HDAC8: variants seen among roughly 807,000 people sequenced by gnomAD.
HDAC8 encodes histone deacetylase-like 1.
HDAC8 carries 1 observed loss-of-function variant against 32.2 expected under a neutral mutation model. The ratio of observed to expected loss-of-function variants is 0.03; its 90% CI spans 0.01 to 0.15. The LOEUF (loss-of-function observed/expected upper bound fraction) is 0.15, where lower values mean the gene tolerates loss of function less well. Among genes scored for constraint, HDAC8 ranks in the 10% least tolerant of loss-of-function variants. The pLI is 1.00. For missense variants in HDAC8, 117 were observed against 300.0 expected, an observed-to-expected ratio of 0.39 and a Z score of 4.51; for synonymous variants, 108 against 113.9, an observed-to-expected ratio of 0.95 and a Z score of 0.33.
chrX:72,335,736 A>C (rs979331758), intron 10 of HDAC8, among the ~76,000 whole-genome samples: 12 of 109,945 alleles, frequency 1.1e-4, no homozygotes, highest in Non-Finnish European at 2.1e-4. Flanking sequence ...AATAGTGAGA[A>C]ACTGTCTCTA....
chrX:72,396,135 A>G (rs1304806279), intron 9 of HDAC8, among the ~76,000 whole-genome samples: 7 of 112,174 alleles, frequency 6.2e-5, no homozygotes, highest in Non-Finnish European at 1.3e-4. Flanking sequence ...GTATCTTTCT[A>G]CTAGCCCAGT....
rs191811907 is a variant in HDAC8 at position 72,571,138 on chromosome X, A to G, written c.164+919T>C. Among the ~76,000 whole-genome samples the G allele has an allele frequency of 1.7e-3, 190 of 110,478 alleles. 1 individual carries two copies. The highest frequency in any genetic ancestry group is 0.014 in the Middle Eastern group (3 of 218). On this transcript the variant is annotated intron_variant, in intron 2 of 10. Coordinates refer to ENST00000373573, the MANE Select transcript of HDAC8 (RefSeq NM_018486.3). ...ACGGGGTTTCACCGTGTTAGCCAGG[A>G]TGGTCTTGATCTCCTGAGCTCATGA...
intron 9 of HDAC8, among the ~76,000 whole-genome samples, chrX:72,397,872 C>A (rs1365087671): frequency 8.9e-6 from 1 of 112,116 alleles, no homozygotes; most frequent in Non-Finnish European, 1.9e-5. Flanking sequence ...TACCATACCA[C>A]AAATATCTGT....
chrX:72,351,948 G>A (rs782034060), intron 9 of HDAC8, 110 bp from the exon 10 acceptor site: 4 of 514,902 alleles, frequency 7.8e-6, no homozygotes, highest in Non-Finnish European at 1.3e-5. Context: ...GGCAAGGGAG[G>A]CCTCCTTGGG....
intron 5 of HDAC8, 67 bp from the exon 6 acceptor site, chrX:72,491,073 ATC>A: frequency 1.3e-6 from 1 of 799,789 alleles, no homozygotes; most frequent in Non-Finnish European, 1.9e-6. Flanking sequence ...ACATCTGAAA[ATC>A]TAGAAAGCAG....
intron 10 of HDAC8, among the ~76,000 whole-genome samples, chrX:72,339,231 A>G (rs1410170167): frequency 2.7e-5 from 3 of 111,825 alleles, no homozygotes; most frequent in Non-Finnish European, 5.6e-5. Flanking sequence ...CCTCAGCCCA[A>G]TCTGGTCCAT....
At chrX:72,571,845 A>T (rs781929596) in intron 2 of HDAC8, 330 of 338,361 alleles carry the variant, frequency 9.8e-4, no homozygotes, top group Non-Finnish European at 1.5e-3. Flanking sequence ...CTGGGATTAC[A>T]GGCGTGAGCC....
intron 4 of HDAC8, among the ~76,000 whole-genome samples, chrX:72,559,885 C>G (rs1406076752): frequency 1.8e-5 from 2 of 110,334 alleles, no homozygotes; most frequent in African/African-American, 6.6e-5. Context: ...GCCACCCCGT[C>G]CGGGAGGGAG....
intron 9 of HDAC8, among the ~76,000 whole-genome samples, chrX:72,435,198 C>T (rs1343964148): frequency 9.0e-6 from 1 of 111,611 alleles, no homozygotes; most frequent in African/African-American, 3.3e-5. Context: ...GGAATTCAAT[C>T]CCTGAAAGAA....
intron 9 of HDAC8, among the ~76,000 whole-genome samples, chrX:72,380,905 C>G (rs1361620217): frequency 1.8e-5 from 2 of 112,039 alleles, no homozygotes; most frequent in East Asian, 5.5e-4. Context: ...TTTCTTCTTA[C>G]TAAGTCTTTA....
At chrX:72,353,875 A>G (rs1555949644) in intron 9 of HDAC8, among the ~76,000 whole-genome samples, 1 of 111,901 alleles carries the variant, frequency 8.9e-6, no homozygotes, top group Non-Finnish European at 1.9e-5. Flanking sequence ...AGGAGGAGGG[A>G]ATGTTCTGCC....
intron 9 of HDAC8, among the ~76,000 whole-genome samples, chrX:72,456,026 T>G (rs185017119): frequency 6.3e-5 from 7 of 111,785 alleles, no homozygotes; most frequent in African/African-American, 2.3e-4. Flanking sequence ...TAAAATACAT[T>G]TTCCCTTTTC....
chrX:72,453,061 G>A (rs2047612919), intron 9 of HDAC8, among the ~76,000 whole-genome samples: 1 of 110,118 alleles, frequency 9.1e-6, no homozygotes, highest in Non-Finnish European at 1.9e-5. Context: ...ATTAAGAGCA[G>A]GTGTACTGCA....
chrX:72,388,641 T>C (rs991237482), intron 9 of HDAC8, among the ~76,000 whole-genome samples: 1 of 95,624 alleles, frequency 1.0e-5, no homozygotes, highest in Non-Finnish European at 2.0e-5. Flanking sequence ...CACACACTGC[T>C]ATGGAATGAA....
At chrX:72,526,875 C>T (rs1448250443) in intron 4 of HDAC8, among the ~76,000 whole-genome samples, 1 of 111,164 alleles carries the variant, frequency 9.0e-6, no homozygotes, top group African/African-American at 3.3e-5. Context: ...GCCCCTCCTT[C>T]TTATTTCCTC....
chrX:72,411,196 T>C (rs1489947187), intron 9 of HDAC8, among the ~76,000 whole-genome samples: 6 of 110,289 alleles, frequency 5.4e-5, no homozygotes. Flanking sequence ...TGGCTAATTT[T>C]TGTATCTTTA....
rs1246953607 is a variant in HDAC8 at position 72,460,224 on chromosome X, C to T, written c.1005+1780G>A. The stretch of plus-strand genomic sequence containing the variant: ...TGATCTTGGCTCTCTGCAACCTCCA[C>T]CTTCCGGGTTCAAGCAATTCGCTTG... On this transcript the variant is annotated intron_variant, in intron 9 of 10. Coordinates refer to ENST00000373573, the MANE Select transcript of HDAC8 (RefSeq NM_018486.3). Among the ~76,000 whole-genome samples, 4 of 110,932 alleles carry T rather than the reference C, an allele frequency of 3.6e-5. No homozygotes were observed. The East Asian group carries it at 1.1e-3, about 31-fold the overall frequency.
At chrX:72,460,945 G>A (rs1189304928) in intron 9 of HDAC8, among the ~76,000 whole-genome samples, 2 of 112,231 alleles carry the variant, frequency 1.8e-5, no homozygotes, top group Non-Finnish European at 3.8e-5. Context: ...AAATTATAGT[G>A]TACCTTCTAT....
intron 9 of HDAC8, among the ~76,000 whole-genome samples, chrX:72,391,657 A>G (rs781842737): frequency 4.5e-5 from 5 of 111,853 alleles, no homozygotes; most frequent in Admixed American, 9.5e-5. Context: ...GATGGTAAAA[A>G]GAACTCTCTA....
Sources: allele counts gnomAD v4.1 joint callset (sites outside exome capture counted in the v4.1 genomes callset), GRCh38; gene constraint gnomAD v4.1.1; transcripts MANE v1.5; gene names NCBI Gene and HGNC (gene_info 2026-07-23, HGNC 2026-07-21).